The following MYT1L variants were observed in gnomAD, a reference collection of about 807,000 sequenced individuals.
The protein encoded by MYT1L is myelin transcription factor 1-like protein.
Under a neutral mutation model 126.7 loss-of-function variants are expected in MYT1L, and 12 were observed. That is an observed-to-expected ratio of 0.09 (90% CI 0.06 to 0.15). MYT1L has a LOEUF of 0.15. Ranked by LOEUF, MYT1L falls within the 10% of genes least tolerant of loss-of-function variation. The pLI, the probability that MYT1L is intolerant of heterozygous loss-of-function variation, is 1.00. For synonymous variants in MYT1L, 541 were observed against 604.2 expected (o/e 0.90, Z 1.53); for missense variants, 979 against 1,585.2 (o/e 0.62, Z 6.49).
At chr2:2,166,151 C>G (rs534252847) in intron 3 of MYT1L, among the ~76,000 whole-genome samples, 3 of 152,092 alleles carry the variant, frequency 2.0e-5, no homozygotes, top group African/African-American at 7.2e-5. Context: ...TCCTTATTTC[C>G]TTTCTTAATT....
Position 1,889,241 on chromosome 2 carries a change from A to G in MYT1L, c.2520T>C (p.Thr840=), listed in dbSNP as rs201805139. ...RIDEDESKDI[T]PEDLDPFQEA... is the part of the protein sequence containing the mutation. ...CACAGGCTCAATGAAAAGGACATACAGTAATGTCTTTGGACTCGTCCTCGT... is the reference window on the plus strand; with the variant it reads ...CACAGGCTCAATGAAAAGGACATACGGTAATGTCTTTGGACTCGTCCTCGT... Residue 840 remains threonine (T), a splice_region_variant and synonymous_variant, in exon 16 of 25, where the codon ACT becomes ACC. Coordinates refer to ENST00000647738, the MANE Select transcript of MYT1L (RefSeq NM_001303052.2). The surrounding 1 kb of genome is among the most constrained non-coding windows in gnomAD (Gnocchi z 4.1). 265 of 1,612,850 alleles carry G rather than the reference A, an allele frequency of 1.6e-4. No homozygotes were observed. Among genetic ancestry groups the G allele is most frequent in the Middle Eastern group, 8.2e-4 (5 of 6,062 alleles).
chr2:2,233,404 C>T (rs979572305), intron 2 of MYT1L, among the ~76,000 whole-genome samples: 3 of 152,110 alleles, frequency 2.0e-5, no homozygotes, highest in Admixed American at 6.5e-5. Flanking sequence ...CCTAGGGTTG[C>T]GCTGTGATGC....
intron 3 of MYT1L, among the ~76,000 whole-genome samples, chr2:2,122,832 T>C (rs983153216): frequency 9.7e-5 from 14 of 144,212 alleles, no homozygotes; most frequent in Admixed American, 5.5e-4. Context: ...GGAGGGAGGA[T>C]AGGAATGTGT....
At chr2:2,141,042 A>G (rs1196011021) in intron 3 of MYT1L, among the ~76,000 whole-genome samples, 1 of 152,194 alleles carries the variant, frequency 6.6e-6, no homozygotes. Context: ...GCTTGTTTTC[A>G]TTGTAAACAT....
chr2:1,852,807 C>T lies in MYT1L; in HGVS notation c.2712-1104G>A, dbSNP rs114590714. On this transcript the variant is annotated intron_variant, in intron 18 of 24. Coordinates refer to ENST00000647738, the MANE Select transcript of MYT1L (RefSeq NM_001303052.2). This position sits in a 1 kb window ranked among gnomAD's most constrained non-coding sequence, Gnocchi z 4.0. ...GCCCCTTCCCACCTCAGTGAGTACC[C>T]GAATTCTTGTCAAGATCAAGAATCA... Among the ~76,000 whole-genome samples the T allele has an allele frequency of 3.6e-3, 549 of 152,256 alleles. 4 individuals are homozygous for T. Among genetic ancestry groups the T allele is most frequent in the African/African-American group, 0.013 (522 of 41,532 alleles).
intron 2 of MYT1L, among the ~76,000 whole-genome samples, chr2:2,208,181 A>T (rs2093381601): frequency 6.6e-6 from 1 of 152,222 alleles, no homozygotes; most frequent in Non-Finnish European, 1.5e-5. Flanking sequence ...CTGGGGAAGA[A>T]CTAGGGTTAC....
At chr2:2,301,720 A>G (rs779030731) in intron 1 of MYT1L, among the ~76,000 whole-genome samples, 4 of 151,400 alleles carry the variant, frequency 2.6e-5, no homozygotes, top group African/African-American at 4.9e-5. Flanking sequence ...AGTCCCAGCT[A>G]CTCAGGAGGC....
chr2:2,320,875 A>G (rs2096151780), intron 1 of MYT1L, among the ~76,000 whole-genome samples: 1 of 152,144 alleles, frequency 6.6e-6, no homozygotes, highest in Non-Finnish European at 1.5e-5. Context: ...CATCCCTTAT[A>G]ATCATTTCCC....
chr2:2,246,598 C>T (rs955672488), intron 2 of MYT1L, among the ~76,000 whole-genome samples: 3 of 152,160 alleles, frequency 2.0e-5, no homozygotes, highest in African/African-American at 7.2e-5. Context: ...GCAACAGAGG[C>T]TTATTGAGTG....
intron 18 of MYT1L, among the ~76,000 whole-genome samples, chr2:1,868,849 G>A (rs1181884084): frequency 6.6e-6 from 1 of 152,216 alleles, no homozygotes; most frequent in Non-Finnish European, 1.5e-5. Context: ...TGACTGCAGC[G>A]CTGCCAGGCA....
chr2:1,969,743 T>C (rs1383382291), intron 8 of MYT1L, among the ~76,000 whole-genome samples: 1 of 152,170 alleles, frequency 6.6e-6, no homozygotes, highest in Non-Finnish European at 1.5e-5. Flanking sequence ...CCTGCAGCCC[T>C]CTCTGGACAC....
At chr2:1,965,283 T>G (rs970117572) in intron 8 of MYT1L, among the ~76,000 whole-genome samples, 5 of 148,220 alleles carry the variant, frequency 3.4e-5, no homozygotes, top group African/African-American at 1.3e-4. Flanking sequence ...CCAGACTCTG[T>G]GACTTGCAAG....
At chr2:2,062,273 T>C (rs938892605) in intron 3 of MYT1L, among the ~76,000 whole-genome samples, 2 of 152,254 alleles carry the variant, frequency 1.3e-5, no homozygotes, top group Non-Finnish European at 2.9e-5. Flanking sequence ...ATTGTGTCCA[T>C]GTACACACGC....
chr2:1,923,683 G>A (rs1172557200), intron 9 of MYT1L, among the ~76,000 whole-genome samples: 2 of 152,016 alleles, frequency 1.3e-5, no homozygotes, highest in South Asian at 2.1e-4. Context: ...AACTTTACTT[G>A]TTGCCAACTC....
chr2:2,160,239 G>A (rs886330895), intron 3 of MYT1L, among the ~76,000 whole-genome samples: 2 of 152,126 alleles, frequency 1.3e-5, no homozygotes, highest in Non-Finnish European at 2.9e-5. Flanking sequence ...CAAAACCTCA[G>A]GAGATACCAA....
chr2:2,045,398 A>AG (rs2150045035), intron 4 of MYT1L, among the ~76,000 whole-genome samples: 1 of 152,280 alleles, frequency 6.6e-6, no homozygotes, highest in African/African-American at 2.4e-5. Context: ...AGGCTCTGGG[A>AG]GGGGTGTCCC....
At chr2:1,862,263 G>A (rs2044781880) in intron 18 of MYT1L, among the ~76,000 whole-genome samples, 1 of 121,402 alleles carries the variant, frequency 8.2e-6, no homozygotes, top group Middle Eastern at 3.7e-3. Flanking sequence ...TTTTCAAGAG[G>A]TTTTTAAAAA....
At chr2:2,304,406 A>C (rs1273244865) in intron 1 of MYT1L, among the ~76,000 whole-genome samples, 1 of 152,238 alleles carries the variant, frequency 6.6e-6, no homozygotes, top group Admixed American at 6.5e-5. Flanking sequence ...GGGGAAGAGT[A>C]ACATCAGTTG....
intron 21 of MYT1L, among the ~76,000 whole-genome samples, chr2:1,829,183 C>T (rs2039772207): frequency 6.6e-6 from 1 of 152,102 alleles, no homozygotes; most frequent in African/African-American, 2.4e-5. Flanking sequence ...GCAGAGCACT[C>T]CCTGGTTCCT....
Sources: allele counts gnomAD v4.1 joint callset (sites outside exome capture counted in the v4.1 genomes callset), GRCh38; gene constraint gnomAD v4.1.1; non-coding constraint Gnocchi (gnomAD v3.1); transcripts MANE v1.5; gene names NCBI Gene and HGNC (gene_info 2026-07-23, HGNC 2026-07-21).